DAB2IP: variants seen among roughly 807,000 people sequenced by gnomAD.
The protein encoded by DAB2IP is DAB2 interacting protein.
DAB2IP carries 28 observed loss-of-function variants against 107.2 expected under a neutral mutation model. The observed-to-expected ratio is 0.26, with a 90% confidence interval of 0.19 to 0.36. DAB2IP has a LOEUF of 0.36. DAB2IP is among the 10% of genes least tolerant of loss of function. The pLI, the probability that DAB2IP is intolerant of heterozygous loss-of-function variation, is 1.00. For missense variants in DAB2IP, 1,400 were observed against 1,644.7 expected, an observed-to-expected ratio of 0.85 and a Z score of 2.57; for synonymous variants, 755 against 706.4, an observed-to-expected ratio of 1.07 and a Z score of -1.09.
intron 1 of DAB2IP, chr9:121,575,238 C>T (rs7045915): frequency 0.17 from 25,487 of 152,636 alleles, 2,393 homozygotes; most frequent in East Asian, 0.27. Flanking sequence ...CTATCTGCTG[C>T]GCCTCCGTGT....
At chr9:121,781,350 AG>A (rs1477281342) in intron 14 of DAB2IP, 113 bp from the exon 15 acceptor site, 1 of 1,002,988 alleles carries the variant, frequency 1.0e-6, no homozygotes, top group African/African-American at 1.6e-5. Context: ...TGACCCAAGG[AG>A]GGGCTCTCCT....
intron 3 of DAB2IP, among the ~76,000 whole-genome samples, chr9:121,756,731 G>A (rs184949761): frequency 9.5e-4 from 144 of 152,348 alleles, no homozygotes; most frequent in Admixed American, 1.4e-3. Flanking sequence ...CCCAGGCCCC[G>A]CAGGCTCACT....
chr9:121,585,228 T>TCAATGAGAG (rs1830286753), intron 1 of DAB2IP, among the ~76,000 whole-genome samples: 1 of 152,012 alleles, frequency 6.6e-6, no homozygotes, highest in African/African-American at 2.4e-5. Flanking sequence ...TGGCGAGGGG[T>TCAATGAGAG]CAATGAGAGC....
chr9:121,671,785 C>A (rs753220536), intron 1 of DAB2IP, among the ~76,000 whole-genome samples: 1 of 152,142 alleles, frequency 6.6e-6, no homozygotes, highest in Admixed American at 6.5e-5. Flanking sequence ...TAGTGTCCTC[C>A]CTTCCTTGCT....
At chr9:121,783,077 C>A in exon 16 of DAB2IP, 2 of 1,036,918 alleles carry the variant, frequency 1.9e-6, no homozygotes, top group Non-Finnish European at 2.3e-6. Flanking sequence ...CCTGCCACTG[C>A]ATGCAGCCTG....
At chr9:121,681,078 A>G (rs1828577084) in intron 2 of DAB2IP, among the ~76,000 whole-genome samples, 1 of 152,084 alleles carries the variant, frequency 6.6e-6, no homozygotes, top group South Asian at 2.1e-4. Context: ...ACACACCTAC[A>G]GCTGAAACAT....
At chr9:121,748,680 G>T (rs2118924894) in intron 3 of DAB2IP, among the ~76,000 whole-genome samples, 1 of 152,350 alleles carries the variant, frequency 6.6e-6, no homozygotes. Context: ...CATGGTAGGT[G>T]CTTAGTAAGT....
intron 1 of DAB2IP, among the ~76,000 whole-genome samples, chr9:121,664,697 T>C (rs191446077): frequency 6.6e-6 from 1 of 152,292 alleles, no homozygotes; most frequent in Admixed American, 6.5e-5. Context: ...GTTTCATGAG[T>C]GCTGGCGGAA....
chr9:121,631,191 C>T (rs1196267422), intron 1 of DAB2IP, among the ~76,000 whole-genome samples: 1 of 152,196 alleles, frequency 6.6e-6, no homozygotes, highest in East Asian at 1.9e-4. Context: ...GAGCTCCTGG[C>T]CTGGTTGCGG....
At chr9:121,656,516 T>G (rs1832978797) in intron 1 of DAB2IP, among the ~76,000 whole-genome samples, 1 of 152,180 alleles carries the variant, frequency 6.6e-6, no homozygotes, top group African/African-American at 2.4e-5. Context: ...CTGCCTTGTC[T>G]CTTCTTCTGT....
Position 121,772,796 on chromosome 9 carries a change from G to T in DAB2IP, c.2268G>T (p.Thr756=). ...TGGTGGACCTCCAGGACGCCCGCAC[G>T]CTGGATGGGGAGGCAGGCTCCCCGG... The change falls in exon 12 of 16, where the codon ACG becomes ACT. Residue 756 remains threonine (T), a synonymous_variant. Coordinates refer to ENST00000408936, the Ensembl canonical transcript of DAB2IP. The surrounding 1 kb of genome is among the most constrained non-coding windows in gnomAD (Gnocchi z 4.7). 1 of 1,612,456 alleles carries T rather than the reference G, an allele frequency of 6.2e-7. No homozygotes were observed. The highest frequency in any genetic ancestry group is 8.5e-7 in the Non-Finnish European group (1 of 1,179,646).
chr9:121,725,227 T>C (rs1052010638), intron 3 of DAB2IP, among the ~76,000 whole-genome samples: 2 of 152,210 alleles, frequency 1.3e-5, no homozygotes, highest in African/African-American at 2.4e-5. Flanking sequence ...GTCTTCTTAA[T>C]CAGCCTATTT....
chr9:121,657,163 C>T (rs1187364089), intron 1 of DAB2IP, among the ~76,000 whole-genome samples: 1 of 152,212 alleles, frequency 6.6e-6, no homozygotes, highest in Non-Finnish European at 1.5e-5. Context: ...ATGCCCTTTC[C>T]CAGGGCATGC....
intron 3 of DAB2IP, among the ~76,000 whole-genome samples, chr9:121,730,587 C>T (rs1244356002): frequency 2.0e-5 from 3 of 152,198 alleles, no homozygotes; most frequent in African/African-American, 7.2e-5. Context: ...CTCCAGGGAC[C>T]TAGGCTTCAG....
chr9:121,724,221 C>T lies in DAB2IP; in HGVS notation c.362+24763C>T, dbSNP rs201576023. Among the ~76,000 whole-genome samples, 27 of 152,232 alleles carry T rather than the reference C, an allele frequency of 1.8e-4. No homozygotes were observed. The East Asian group carries it at 4.8e-3, about 27-fold the overall frequency. On this transcript the variant is annotated intron_variant, in intron 3 of 15. Coordinates refer to ENST00000408936, the Ensembl canonical transcript of DAB2IP. ...TGCCCAGGACTCACTTGTTATGACT[C>T]AGGTTCCTTCCTGTGGACCCTGAAT...
chr9:121,744,290 G>A (rs2118905957), intron 3 of DAB2IP, among the ~76,000 whole-genome samples: 1 of 152,326 alleles, frequency 6.6e-6, no homozygotes, highest in Admixed American at 6.5e-5. Flanking sequence ...TGGGAGACTG[G>A]GAAGACTGTG....
chr9:121,683,169 T>C (rs1828682025), intron 2 of DAB2IP, among the ~76,000 whole-genome samples: 1 of 152,132 alleles, frequency 6.6e-6, no homozygotes, highest in African/African-American at 2.4e-5. Flanking sequence ...GGGCTTTGCA[T>C]GTGCCCACCC....
intron 1 of DAB2IP, among the ~76,000 whole-genome samples, chr9:121,672,901 C>T (rs1833738502): frequency 6.6e-6 from 1 of 152,198 alleles, no homozygotes; most frequent in African/African-American, 2.4e-5. Context: ...GCCAGGCCTC[C>T]CAGTGTCTGT....
chr9:121,680,104 T>A (rs370332760), intron 2 of DAB2IP, among the ~76,000 whole-genome samples: 1 of 152,108 alleles, frequency 6.6e-6, no homozygotes, highest in Non-Finnish European at 1.5e-5. Flanking sequence ...CAGGGGCTGA[T>A]GTGTTTGTGG....
Sources: allele counts gnomAD v4.1 joint callset (sites outside exome capture counted in the v4.1 genomes callset), GRCh38; gene constraint gnomAD v4.1.1; non-coding constraint Gnocchi (gnomAD v3.1); transcripts MANE v1.5; gene names NCBI Gene and HGNC (gene_info 2026-07-23, HGNC 2026-07-21).